The following AGBL4 variants were observed in gnomAD, a reference collection of about 807,000 sequenced individuals.
The protein encoded by AGBL4 is cytosolic carboxypeptidase 6.
Under a neutral mutation model 66.4 loss-of-function variants are expected in AGBL4, and 58 were observed. That is an observed-to-expected ratio of 0.87 (90% CI 0.71 to 1.09). AGBL4 has a LOEUF of 1.09. Ranked by LOEUF, AGBL4 falls within the 50% of genes least tolerant of loss-of-function variation. The pLI is 0.00. For synonymous variants in AGBL4, 234 were observed against 222.9 expected (o/e 1.05, Z -0.44); for missense variants, 579 against 631.0 (o/e 0.92, Z 0.88).
chr1:49,736,865 C>T (rs1649935571), intron 2 of AGBL4, among the ~76,000 whole-genome samples: 1 of 151,746 alleles, frequency 6.6e-6, no homozygotes, highest in African/African-American at 2.4e-5. Context: ...CATGAACAGA[C>T]AGTTCTCAAG....
intron 11 of AGBL4, among the ~76,000 whole-genome samples, chr1:48,543,408 ATCC>A (rs1644107300): frequency 6.6e-6 from 1 of 151,836 alleles, no homozygotes; most frequent in African/African-American, 2.4e-5. Context: ...CCATCCATCC[ATCC>A]ATCCATCCAT....
Position 48,634,507 on chromosome 1 carries a change from T to A in AGBL4, c.937A>T (p.Met313Leu). The A allele has an allele frequency of 6.2e-7, 1 of 1,601,062 alleles. No homozygotes were observed. Among genetic ancestry groups the A allele is most frequent in the Non-Finnish European group, 8.5e-7 (1 of 1,173,386 alleles). Residue 313 changes from methionine to leucine, a missense_variant, in exon 9 of 14, where the codon ATG becomes TTG. Transcript: ENST00000371839. ...LHGVKQLIVQ[M>L]YNDPKTSLEF... ...CAGTTACTTACTGGGTCGTTGTACA[T>A]CTGGACGATGAGTTGTTTCACTCCA...
At chr1:49,747,942 GTT>G (rs1651119639) in intron 2 of AGBL4, among the ~76,000 whole-genome samples, 3 of 93,192 alleles carry the variant, frequency 3.2e-5, no homozygotes, top group African/African-American at 8.9e-5. Flanking sequence ...GAGTGTGTGT[GTT>G]TGTGTGTGTG....
chr1:48,687,457 G>T (rs758952718), intron 6 of AGBL4, among the ~76,000 whole-genome samples: 1 of 152,174 alleles, frequency 6.6e-6, no homozygotes, highest in Non-Finnish European at 1.5e-5. Context: ...ACAGGCTGAC[G>T]CAGGGAGGCC....
intron 1 of AGBL4, among the ~76,000 whole-genome samples, chr1:49,972,259 C>T (rs1222811328): frequency 1.3e-5 from 2 of 151,880 alleles, no homozygotes; most frequent in Non-Finnish European, 2.9e-5. Context: ...TTTTAGTGTA[C>T]TCATCACCCT....
intron 4 of AGBL4, among the ~76,000 whole-genome samples, chr1:49,060,789 C>T (rs1644389382): frequency 6.6e-6 from 1 of 152,168 alleles, no homozygotes; most frequent in South Asian, 2.1e-4. Context: ...CCTGTCCTCC[C>T]TCCACTCCCA....
At position 48,560,424 on chromosome 1, in the gene AGBL4, C is replaced by T. The variant is rs558556615; in HGVS notation, c.1268-20686G>A. Among the ~76,000 whole-genome samples the T allele has an allele frequency of 5.3e-5, 8 of 152,270 alleles. No homozygotes were observed. In the East Asian group the frequency reaches 1.5e-3, roughly 29 times the overall value. ...AGGAGAAGGCATCTGAGCTAGAATA[C>T]TGGTGAGTCTTGTGAGGTTATAGAA... On this transcript the variant is annotated intron_variant, in intron 11 of 13. Coordinates refer to ENST00000371839, the MANE Select transcript of AGBL4 (RefSeq NM_032785.4).
intron 6 of AGBL4, among the ~76,000 whole-genome samples, chr1:48,665,475 T>A (rs1361463345): frequency 6.6e-6 from 1 of 152,202 alleles, no homozygotes; most frequent in African/African-American, 2.4e-5. Flanking sequence ...TTATGTTTTT[T>A]AATCTTTATC....
At chr1:49,657,361 C>T (rs1480384325) in intron 3 of AGBL4, among the ~76,000 whole-genome samples, 1 of 152,074 alleles carries the variant, frequency 6.6e-6, no homozygotes, top group African/African-American at 2.4e-5. Context: ...TAAGAGAGGA[C>T]ACAAACAAAT....
intron 4 of AGBL4, among the ~76,000 whole-genome samples, chr1:49,138,628 C>T (rs1646060011): frequency 1.3e-5 from 2 of 152,142 alleles, no homozygotes; most frequent in African/African-American, 4.8e-5. Context: ...GCTCTGTTGG[C>T]CAAACTTATA....
chr1:48,562,274 A>G (rs570635098), intron 11 of AGBL4, among the ~76,000 whole-genome samples: 1 of 152,322 alleles, frequency 6.6e-6, no homozygotes, highest in Non-Finnish European at 1.5e-5. Flanking sequence ...GATTTTGTAG[A>G]ATCCTGCTAC....
intron 4 of AGBL4, among the ~76,000 whole-genome samples, chr1:49,206,101 G>C (rs1038269062): frequency 3.3e-5 from 5 of 152,132 alleles, no homozygotes; most frequent in African/African-American, 1.2e-4. Flanking sequence ...GTTTAGAAAA[G>C]TTTCAAAATC....
intron 2 of AGBL4, among the ~76,000 whole-genome samples, chr1:49,805,736 TAGATA>T (rs1433120344): frequency 6.6e-6 from 1 of 152,146 alleles, no homozygotes; most frequent in Non-Finnish European, 1.5e-5. Context: ...GGATCCTTCA[TAGATA>T]AGATAAGTAC....
At chr1:49,127,745 C>T (rs950896921) in intron 4 of AGBL4, among the ~76,000 whole-genome samples, 35 of 152,048 alleles carry the variant, frequency 2.3e-4, no homozygotes, top group Admixed American at 6.6e-5. Context: ...AAAAGCTAGG[C>T]TTCAGTAACA....
At chr1:49,127,422 A>C (rs569592960) in intron 4 of AGBL4, among the ~76,000 whole-genome samples, 1 of 152,254 alleles carries the variant, frequency 6.6e-6, no homozygotes, top group Non-Finnish European at 1.5e-5. Flanking sequence ...CCTGTTCCTC[A>C]AAAACGTATG....
chr1:49,254,903 G>T (rs539815010), intron 3 of AGBL4, among the ~76,000 whole-genome samples: 68 of 152,160 alleles, frequency 4.5e-4, no homozygotes, highest in African/African-American at 1.2e-3. Context: ...ACAAAAACAC[G>T]CAATGGGGAA....
chr1:49,751,452 GC>G (rs1464922632), intron 2 of AGBL4, among the ~76,000 whole-genome samples: 1 of 152,140 alleles, frequency 6.6e-6, no homozygotes, highest in African/African-American at 2.4e-5. Flanking sequence ...TGGTGGATAA[GC>G]TTTTTAATGT....
chr1:49,861,462 G>A (rs1385551519), intron 1 of AGBL4, among the ~76,000 whole-genome samples: 2 of 152,148 alleles, frequency 1.3e-5, no homozygotes, highest in Middle Eastern at 3.4e-3. Flanking sequence ...TAGGGCACTG[G>A]TCAGAGTAAT....
intron 4 of AGBL4, among the ~76,000 whole-genome samples, chr1:49,152,531 T>C (rs1434447550): frequency 6.6e-6 from 1 of 152,222 alleles, no homozygotes; most frequent in Non-Finnish European, 1.5e-5. Context: ...CAAAAGCATC[T>C]GAAAGGCTGC....
Sources: gnomAD v4.1 joint callset for allele counts (sites outside exome capture counted in the v4.1 genomes callset) on GRCh38, gnomAD v4.1.1 for gene constraint, MANE v1.5 for transcripts, NCBI Gene and HGNC (gene_info 2026-07-23, HGNC 2026-07-21) for gene names.